The following KIAA1958 variants were observed in gnomAD, a reference collection of about 807,000 sequenced individuals.
The protein encoded by KIAA1958 is uncharacterized protein KIAA1958.
Under a neutral mutation model 47.2 loss-of-function variants are expected in KIAA1958, and 14 were observed. That is an observed-to-expected ratio of 0.30 (90% confidence interval 0.20 to 0.46). The LOEUF (loss-of-function observed/expected upper bound fraction) is 0.46, where lower values mean the gene tolerates loss of function less well. KIAA1958 is among the 20% of genes least tolerant of loss of function. KIAA1958 has a pLI of 1.00. For missense variants in KIAA1958, 803 were observed against 909.2 expected, an observed-to-expected ratio of 0.88 and a Z score of 1.50; for synonymous variants, 354 against 353.3, an observed-to-expected ratio of 1.00 and a Z score of -0.02.
intron 2 of KIAA1958, among the ~76,000 whole-genome samples, chr9:112,625,431 G>A (rs539253826): frequency 6.6e-6 from 1 of 152,220 alleles, no homozygotes; most frequent in Non-Finnish European, 1.5e-5. Context: ...TAGAATTACA[G>A]GCATGAGCCA....
chr9:112,642,094 A>G (rs1267645593), intron 2 of KIAA1958, among the ~76,000 whole-genome samples: 1 of 152,170 alleles, frequency 6.6e-6, no homozygotes, highest in East Asian at 1.9e-4. Context: ...ATTCAGGTCT[A>G]GATTGATCAT....
chr9:112,503,419 C>T (rs1587991288), intron 1 of KIAA1958, among the ~76,000 whole-genome samples: 3 of 151,722 alleles, frequency 2.0e-5, no homozygotes, highest in South Asian at 2.1e-4. Context: ...TTTGGCAGGC[C>T]GGGGTGGGAG....
intron 2 of KIAA1958, among the ~76,000 whole-genome samples, chr9:112,615,412 T>A (rs1293838042): frequency 1.8e-5 from 2 of 112,464 alleles, no homozygotes; most frequent in Non-Finnish European, 3.9e-5. Context: ...AGAGCAAGGC[T>A]CCGTCTCAAA....
chr9:112,586,562 C>A (rs955770406), intron 2 of KIAA1958, among the ~76,000 whole-genome samples: 1 of 152,004 alleles, frequency 6.6e-6, no homozygotes, highest in Non-Finnish European at 1.5e-5. Flanking sequence ...AAAAAAAAAT[C>A]TTCCCAATTG....
intron 2 of KIAA1958, among the ~76,000 whole-genome samples, chr9:112,643,660 C>T (rs1564199852): frequency 6.6e-6 from 1 of 152,074 alleles, no homozygotes; most frequent in Non-Finnish European, 1.5e-5. Flanking sequence ...TTCAACAGTT[C>T]TGGGCAGGAT....
intron 2 of KIAA1958, among the ~76,000 whole-genome samples, chr9:112,617,322 A>G (rs928863712): frequency 6.6e-6 from 1 of 152,218 alleles, no homozygotes; most frequent in African/African-American, 2.4e-5. Flanking sequence ...GTGTTTACCC[A>G]AATTGCTGTA....
rs1402838344 is a variant in KIAA1958 at position 112,663,074 on chromosome 9, T to C, written c.*3005T>C. 6.6e-6 allele frequency: 1 copy of C among 152,226 alleles called. No homozygotes were observed. Among genetic ancestry groups the C allele is most frequent in the East Asian group, 1.9e-4 (1 of 5,186 alleles). 9.4% of individuals were successfully genotyped at this position (152,226 alleles called of 1,614,324 possible). A position where few individuals can be genotyped will look rare whatever the true frequency, so the allele number is the denominator to read the frequency against. On this transcript the variant is annotated 3_prime_UTR_variant, in exon 4 of 4. Coordinates refer to ENST00000337530, the MANE Select transcript of KIAA1958 (RefSeq NM_133465.4). ...TTATGCTCCCAAGTAGAAATAAATA[T>C]CAAGAATTCACAGGTTGACTGAAGC...
chr9:112,654,888 A>G (rs200146274), intron 3 of KIAA1958, among the ~76,000 whole-genome samples: 1 of 152,130 alleles, frequency 6.6e-6, no homozygotes, highest in Non-Finnish European at 1.5e-5. Context: ...TCAGAAAGCA[A>G]TTGTATTTTG....
intron 1 of KIAA1958, among the ~76,000 whole-genome samples, chr9:112,532,356 T>C (rs1487319749): frequency 6.6e-6 from 1 of 152,248 alleles, no homozygotes; most frequent in Non-Finnish European, 1.5e-5. Flanking sequence ...TTCTTTTCAG[T>C]TTAACATTTA....
chr9:112,554,846 G>C (rs1835214651), intron 1 of KIAA1958, among the ~76,000 whole-genome samples: 1 of 152,138 alleles, frequency 6.6e-6, no homozygotes, highest in South Asian at 2.1e-4. Flanking sequence ...AGCCTGATTT[G>C]GAGCCACTGT....
chr9:112,595,245 G>A (rs951322663), intron 2 of KIAA1958, among the ~76,000 whole-genome samples: 3 of 152,142 alleles, frequency 2.0e-5, no homozygotes, highest in Non-Finnish European at 4.4e-5. Flanking sequence ...ATGAAGTGAC[G>A]AAGCTATAGC....
At chr9:112,595,086 A>G (rs892697545) in intron 2 of KIAA1958, among the ~76,000 whole-genome samples, 2 of 152,308 alleles carry the variant, frequency 1.3e-5, no homozygotes, top group Admixed American at 1.3e-4. Context: ...TAATATTTTC[A>G]CTTTACCTGT....
intron 1 of KIAA1958, among the ~76,000 whole-genome samples, chr9:112,499,529 A>G (rs1271762327): frequency 6.6e-6 from 1 of 152,134 alleles, no homozygotes; most frequent in African/African-American, 2.4e-5. Context: ...AAAAGCATAT[A>G]TTCATAATAT....
intron 2 of KIAA1958, among the ~76,000 whole-genome samples, chr9:112,624,998 A>G (rs1467886375): frequency 1.5e-5 from 2 of 135,976 alleles, no homozygotes; most frequent in African/African-American, 5.7e-5. Flanking sequence ...ACCTCAAACA[A>G]ATTCCCCAGA....
chr9:112,610,179 G>T (rs967082818), intron 2 of KIAA1958, among the ~76,000 whole-genome samples: 1 of 151,772 alleles, frequency 6.6e-6, no homozygotes. Context: ...AAATAATCAT[G>T]ATGACAATAA....
chr9:112,518,855 T>TG (rs1464530887), intron 1 of KIAA1958, among the ~76,000 whole-genome samples: 5 of 151,562 alleles, frequency 3.3e-5, no homozygotes, highest in African/African-American at 1.2e-4. Context: ...AATAAACATT[T>TG]GGGGAGCTAA....
intron 1 of KIAA1958, among the ~76,000 whole-genome samples, chr9:112,487,936 A>AGTGTGCGTGT (rs1833894485): frequency 1.1e-5 from 1 of 91,006 alleles, no homozygotes; most frequent in Admixed American, 1.3e-4. Flanking sequence ...ATATGTATTT[A>AGTGTGCGTGT]GTGTGTGTGC....
At chr9:112,630,173 T>C (rs1419860664) in intron 2 of KIAA1958, among the ~76,000 whole-genome samples, 1 of 152,176 alleles carries the variant, frequency 6.6e-6, no homozygotes, top group Non-Finnish European at 1.5e-5. Flanking sequence ...TAGTAAAGGA[T>C]CTACAGTTGA....
At chr9:112,527,665 GCTCA>G (rs1160728430) in intron 1 of KIAA1958, among the ~76,000 whole-genome samples, 1 of 152,120 alleles carries the variant, frequency 6.6e-6, no homozygotes, top group Non-Finnish European at 1.5e-5. Context: ...GGGCGTGGTG[GCTCA>G]CTCACTCCTG....
Sources: allele counts gnomAD v4.1 joint callset (sites outside exome capture counted in the v4.1 genomes callset), GRCh38; gene constraint gnomAD v4.1.1; transcripts MANE v1.5; gene names NCBI Gene and HGNC (gene_info 2026-07-23, HGNC 2026-07-21).